The following PGAM2 variants were observed in gnomAD, a reference collection of about 807,000 sequenced individuals.
The protein encoded by PGAM2 is phosphoglycerate mutase 2.
Under a neutral mutation model 22.5 loss-of-function variants are expected in PGAM2, and 23 were observed. That is an observed-to-expected ratio of 1.02 (90% confidence interval 0.74 to 1.45). The LOEUF (loss-of-function observed/expected upper bound fraction) is 1.45, where lower values mean the gene tolerates loss of function less well. PGAM2 is among the 40% of genes most tolerant of loss of function. The pLI, the probability that PGAM2 is intolerant of heterozygous loss-of-function variation, is 0.00. For missense variants in PGAM2, 349 were observed against 356.2 expected (o/e 0.98, Z 0.16); for synonymous variants, 133 against 138.6 (o/e 0.96, Z 0.29).
chr7:44,064,793 G>GGCCA, intron 2 of PGAM2, 39 bp downstream of exon 2: 3 of 1,136,980 alleles, frequency 2.6e-6, no homozygotes, highest in East Asian at 2.5e-5. Flanking sequence ...TGGGGCTGCT[G>GGCCA]CCCACCCACC....
At chr7:44,063,891 C>A (rs1304035808) in intron 2 of PGAM2, 1 of 152,350 alleles carries the variant, frequency 6.6e-6, no homozygotes, top group African/African-American at 2.4e-5. Flanking sequence ...ATGAAGTCTC[C>A]GGAAGGGAGA....
intron 2 of PGAM2, 73 bp from the exon 3 acceptor site, chr7:44,063,003 T>G (rs2096152137): frequency 6.6e-6 from 10 of 1,506,646 alleles, no homozygotes; most frequent in Non-Finnish European, 8.3e-6. Context: ...CTATGTGACC[T>G]TTATGGTCCA....
chr7:44,065,125 G>T lies in PGAM2; in HGVS notation c.405C>A (p.Ser135=). 1 of 1,613,998 alleles carries T rather than the reference G, an allele frequency of 6.2e-7. No homozygotes were observed. The change falls in exon 1 of 3, where the codon TCC becomes TCA. Residue 135 remains serine, a synonymous_variant. Transcript: ENST00000297283. ...AGCAAAGGCAGCCCACCTTGCTAATGGAGTTGTAGTAGGGGTGCTTCTCGT... is the reference window on the plus strand; with the variant it reads ...AGCAAAGGCAGCCCACCTTGCTAATTGAGTTGTAGTAGGGGTGCTTCTCGT... ...PMDEKHPYYN[S]ISKERRYAGL... is the part of the protein sequence containing the mutation.
At chr7:44,064,558 T>C in intron 2 of PGAM2, 1 of 511,510 alleles carries the variant, frequency 2.0e-6, no homozygotes, top group Admixed American at 3.2e-5. Context: ...TAGCTGGGTG[T>C]CCCTTGGCAG....
Position 44,062,773 on chromosome 7 carries a change from C to T in PGAM2, c.753G>A (p.Lys251=). The change falls in exon 3 of 3, where the codon AAG becomes AAA. Residue 251 remains lysine (K), a synonymous_variant. Transcript: ENST00000297283. ...TGCCCAAGCCCACCCCTCACTTGGC[C>T]TTGCCCTGGGCAGCCACAGCCTCCA... is the stretch of plus-strand genomic sequence containing the variant. ...KAMEAVAAQG[K]AK The T allele has an allele frequency of 6.2e-7, 1 of 1,614,218 alleles. No individual in the cohort carries two copies. The highest frequency in any genetic ancestry group is 8.5e-7 in the Non-Finnish European group (1 of 1,180,038).
intron 1 of PGAM2, 24 bp downstream of exon 1, chr7:44,065,092 G>A (rs761528565): frequency 7.4e-6 from 12 of 1,612,910 alleles, no homozygotes; most frequent in Admixed American, 3.3e-5. Context: ...CTTCCCAGAG[G>A]CCTTCCCAGC....
intron 2 of PGAM2, chr7:44,063,173 G>A (rs2096152340): frequency 1.8e-6 from 1 of 557,618 alleles, no homozygotes; most frequent in East Asian, 3.3e-5. Flanking sequence ...AAGTGGCTGT[G>A]ATCTGTGGTG....
chr7:44,063,221 G>A (rs1212031490), intron 2 of PGAM2: 4 of 477,426 alleles, frequency 8.4e-6, no homozygotes, highest in Non-Finnish European at 1.2e-5. Context: ...TGTGACTCCA[G>A]CCAGACTGAA....
rs774883572 is a variant in PGAM2 at position 44,064,829 on chromosome 7, C to A, written c.595+3G>T. The A allele has an allele frequency of 1.0e-5, 16 of 1,585,354 alleles. No homozygotes were observed. Among genetic ancestry groups the A allele is most frequent in the Non-Finnish European group, 1.4e-5 (16 of 1,164,748 alleles). ...CTGCCCAGGCTCCTGAAGGTGGCCT[C>A]ACCTTCCAGGTGCTTGACAATGCCC... On this transcript the variant is annotated splice_donor_region_variant and intron_variant, in intron 2 of 2. Coordinates refer to ENST00000297283, the MANE Select transcript of PGAM2 (RefSeq NM_000290.4).
At position 44,065,304 on chromosome 7, in the gene PGAM2, G is replaced by A. The variant is rs770583058; in HGVS notation, c.226C>T (p.Gln76Ter). Residue 76 changes from glutamine to a stop codon, truncating the protein, a stop_gained, in exon 1 of 3, where the codon CAG (glutamine) becomes TAG (stop). Transcript: ENST00000297283. LOFTEE classifies it high-confidence loss of function. ...GTGCGCACCACAGGCAGCCACATCT[G>A]GTCCGTGCCGTCCAGGATGGCCCAG... ...TLWAILDGTD[Q>*]MWLPVVRTWR... is the part of the protein sequence containing the mutation. 1.2e-6 allele frequency: 2 copies of A among 1,613,664 alleles called. No homozygotes were observed. Among genetic ancestry groups the A allele is most frequent in the South Asian group, 2.2e-5 (2 of 91,084 alleles).
At position 44,065,227 on chromosome 7, in the gene PGAM2, T is replaced by G. The variant is rs1586001959; in HGVS notation, c.303A>C (p.Ala101=). The change falls in exon 1 of 3, where the codon GCA becomes GCC. Residue 101 remains alanine (A), a synonymous_variant. Transcript: ENST00000297283. ...HYGGLTGLNK[A]ETAAKHGEEQ... ...CCTCCCCGTGCTTGGCGGCCGTTTC[T>G]GCCTTGTTGAGGCCTGTGAGGCCCC... 1 of 1,614,030 alleles carries G rather than the reference T, an allele frequency of 6.2e-7. No homozygotes were observed.
chr7:44,064,233 C>T (rs1487626912), intron 2 of PGAM2: 1 of 156,782 alleles, frequency 6.4e-6, no homozygotes, highest in Admixed American at 6.2e-5. Flanking sequence ...CCTTGCTCTT[C>T]AGTGGGAGCC....
intron 2 of PGAM2, chr7:44,064,058 G>A (rs2128795955): frequency 6.5e-6 from 1 of 152,692 alleles, no homozygotes; most frequent in Admixed American, 6.5e-5. Context: ...GAGGTCTGGG[G>A]CACACCCTTC....
intron 1 of PGAM2, 33 bp downstream of exon 1, chr7:44,065,083 T>G: frequency 6.2e-7 from 1 of 1,612,760 alleles, no homozygotes; most frequent in Non-Finnish European, 8.5e-7. Flanking sequence ...ACTCTGCAGC[T>G]TCCCAGAGGC....
chr7:44,064,541 C>T (rs1287603811), intron 2 of PGAM2: 1 of 472,168 alleles, frequency 2.1e-6, no homozygotes, highest in Non-Finnish European at 3.9e-6. Context: ...CCAGCCCTTC[C>T]GTTTCCTAGC....
chr7:44,065,245 G>A lies in PGAM2; in HGVS notation c.285C>T (p.Leu95=). The A allele has an allele frequency of 6.2e-7, 1 of 1,613,896 alleles. No homozygotes were observed. The highest frequency in any genetic ancestry group is 8.5e-7 in the Non-Finnish European group (1 of 1,180,052). ...WRLNERHYGG[L]TGLNKAETAA... ...CCGTTTCTGCCTTGTTGAGGCCTGT[G>A]AGGCCCCCGTAATGCCGCTCATTGA... The change falls in exon 1 of 3, where the codon CTC becomes CTT. Residue 95 remains leucine, a synonymous_variant. Transcript: ENST00000297283.
chr7:44,064,648 T>TAA, intron 2 of PGAM2, 184 bp downstream of exon 2: 1 of 636,442 alleles, frequency 1.6e-6, no homozygotes, highest in Non-Finnish European at 2.8e-6. Flanking sequence ...GTGTCCCAGT[T>TAA]ACACAGAAAT....
chr7:44,064,597 G>T, intron 2 of PGAM2: 1 of 566,688 alleles, frequency 1.8e-6, no homozygotes, highest in South Asian at 2.0e-5. Context: ...GCCCCACCTC[G>T]GGACACAGCG....
chr7:44,064,793 G>GGCCCCCCCCCCCAGCCC, intron 2 of PGAM2, 39 bp downstream of exon 2: 1 of 1,136,982 alleles, frequency 8.8e-7, no homozygotes, highest in Non-Finnish European at 1.3e-6. Context: ...TGGGGCTGCT[G>GGCCCCCCCCCCCAGCCC]CCCACCCACC....
Sources: gnomAD v4.1 joint callset for allele counts on GRCh38, gnomAD v4.1.1 for gene constraint, MANE v1.5 for transcripts, NCBI Gene and HGNC (gene_info 2026-07-23, HGNC 2026-07-21) for gene names.